Variants in PDK1 observed in about 807,000 individuals in gnomAD.
The protein encoded by PDK1 is [Pyruvate dehydrogenase (acetyl-transferring)] kinase isozyme 1, mitochondrial.
A neutral mutation model predicts 54.2 loss-of-function variants in PDK1; 39 were observed. The observed-to-expected ratio is 0.72, with a 90% CI of 0.56 to 0.94. The LOEUF (loss-of-function observed/expected upper bound fraction) is 0.94. Among genes scored for constraint, PDK1 ranks in the 40% least tolerant of loss-of-function variants. The pLI, the probability that PDK1 is intolerant of heterozygous loss-of-function variation, is 0.00. For missense variants in PDK1, 552 were observed against 566.0 expected (o/e 0.98, Z 0.25); for synonymous variants, 221 against 207.1 (o/e 1.07, Z -0.58).
At chr2:172,572,635 A>G (rs930818209) in intron 8 of PDK1, among the ~76,000 whole-genome samples, 2 of 152,198 alleles carry the variant, frequency 1.3e-5, no homozygotes, top group African/African-American at 4.8e-5. Context: ...CTGAGGCACG[A>G]GAATCGCTTG....
the PDK1 span, among the ~76,000 whole-genome samples, chr2:172,696,797 C>T: frequency 1.3e-5 from 2 of 152,206 alleles, no homozygotes; most frequent in Admixed American, 1.3e-4. Flanking sequence ...TTCTCAATAT[C>T]TTCCACAAGA....
At chr2:172,592,467 C>T (rs1690651460) in intron 9 of PDK1, among the ~76,000 whole-genome samples, 1 of 151,980 alleles carries the variant, frequency 6.6e-6, no homozygotes, top group South Asian at 2.1e-4. Context: ...CTCTCTGACT[C>T]CCTCTTTGTC....
At chr2:172,716,959 C>A in the PDK1 span, among the ~76,000 whole-genome samples, 2 of 152,276 alleles carry the variant, frequency 1.3e-5, no homozygotes, top group Non-Finnish European at 2.9e-5. Context: ...AAAATTAAAA[C>A]CTGAGTGTGG....
Position 172,596,015 on chromosome 2 carries a change from A to G in PDK1, c.*46A>G, listed in dbSNP as rs70937078. On this transcript the variant is annotated 3_prime_UTR_variant, in exon 11 of 11. Coordinates refer to ENST00000282077, the MANE Select transcript of PDK1 (RefSeq NM_002610.5). ...AATCCAAATGTGGCTTTTGTATTAAATTTGGAAGGTATGGTGTTCAGAACT... is the reference window on the plus strand; with the variant it reads ...AATCCAAATGTGGCTTTTGTATTAAGTTTGGAAGGTATGGTGTTCAGAACT... 4.4e-4 allele frequency: 678 copies of G among 1,541,650 alleles called. 12 individuals are homozygous for G. In the East Asian group the frequency reaches 0.012, roughly 28 times the overall value.
chr2:172,608,911 C>T (rs923896720), downstream of PDK1, among the ~76,000 whole-genome samples: 2 of 151,998 alleles, frequency 1.3e-5, no homozygotes, highest in Non-Finnish European at 2.9e-5. Context: ...CCACTCAGGA[C>T]GTTGGTAATT....
intron 8 of PDK1, among the ~76,000 whole-genome samples, chr2:172,577,286 A>G (rs1689632182): frequency 1.3e-5 from 2 of 152,052 alleles, no homozygotes; most frequent in South Asian, 2.1e-4. Flanking sequence ...TTCTGTTTTC[A>G]TAGTGTAACT....
the PDK1 span, among the ~76,000 whole-genome samples, chr2:172,652,373 G>A: frequency 4.6e-5 from 7 of 152,252 alleles, no homozygotes; most frequent in South Asian, 8.3e-4. Flanking sequence ...TACTGAATGG[G>A]CAAAAACTGG....
chr2:172,575,008 T>C (rs1171292373), intron 8 of PDK1, among the ~76,000 whole-genome samples: 1 of 152,198 alleles, frequency 6.6e-6, no homozygotes, highest in African/African-American at 2.4e-5. Flanking sequence ...ATTTTTTTCA[T>C]AGATACCCTT....
At chr2:172,617,782 T>A in the PDK1 span, among the ~76,000 whole-genome samples, 239 of 152,284 alleles carry the variant, frequency 1.6e-3, 1 homozygote, top group African/African-American at 5.2e-3. Flanking sequence ...TGAACTTTTT[T>A]AATTCCATGC....
intron 9 of PDK1, among the ~76,000 whole-genome samples, chr2:172,587,392 G>A (rs1357578744): frequency 6.6e-6 from 1 of 152,068 alleles, no homozygotes; most frequent in Non-Finnish European, 1.5e-5. Flanking sequence ...GTGGGTTCGT[G>A]GTCTTGCTGG....
the PDK1 span, among the ~76,000 whole-genome samples, chr2:172,714,442 T>C: frequency 6.6e-6 from 1 of 152,132 alleles, no homozygotes; most frequent in Non-Finnish European, 1.5e-5. Flanking sequence ...TTGAAAGTTT[T>C]TTTAGAATTA....
At chr2:172,562,326 A>C (rs1313912489) in intron 3 of PDK1, 35 bp downstream of exon 3, 1 of 1,238,584 alleles carries the variant, frequency 8.1e-7, no homozygotes, top group Admixed American at 1.8e-5. Context: ...TCTTAAACCT[A>C]TTATTAGGTC....
chr2:172,687,075 A>G, the PDK1 span, among the ~76,000 whole-genome samples: 3 of 152,174 alleles, frequency 2.0e-5, no homozygotes, highest in Non-Finnish European at 4.4e-5. Context: ...TTGTTTTGAA[A>G]CAATAATACC....
the PDK1 span, among the ~76,000 whole-genome samples, chr2:172,703,402 T>C: frequency 6.6e-6 from 1 of 152,176 alleles, no homozygotes; most frequent in Non-Finnish European, 1.5e-5. Context: ...ACAGAAAACA[T>C]ACCTAGATTG....
At chr2:172,657,717 C>T in the PDK1 span, among the ~76,000 whole-genome samples, 2 of 152,106 alleles carry the variant, frequency 1.3e-5, no homozygotes, top group African/African-American at 4.8e-5. Flanking sequence ...GTGAAAGATG[C>T]TCTCCCTATG....
chr2:172,618,329 T>C, the PDK1 span, among the ~76,000 whole-genome samples: 2 of 152,142 alleles, frequency 1.3e-5, no homozygotes, highest in Non-Finnish European at 2.9e-5. Context: ...TTTTGAAAAA[T>C]GCTAAAGACA....
rs1025653966 is a variant in PDK1, at chr2:172,570,922, TCTA to T, written c.945+101_945+103del. 34 of 675,508 alleles carry T rather than the reference TCTA, an allele frequency of 5.0e-5. No homozygotes were observed. The African/African-American group carries it at 6.5e-4, about 13-fold the overall frequency. 41.8% of individuals were successfully genotyped at this position (675,508 alleles called of 1,614,324 possible). A position where few individuals can be genotyped will look rare whatever the true frequency, so the allele number is the denominator to read the frequency against. ...TACGCATAATTTCTAAAAGACATAA[TCTA>T]CTCTCAGGGGAAAAGAATCTTGTCT... On this transcript the variant is annotated intron_variant, in intron 8 of 10. Coordinates refer to ENST00000282077, the MANE Select transcript of PDK1 (RefSeq NM_002610.5).
chr2:172,619,567 T>C, the PDK1 span, among the ~76,000 whole-genome samples: 1 of 151,908 alleles, frequency 6.6e-6, no homozygotes, highest in Non-Finnish European at 1.5e-5. Context: ...TAACAGTCTT[T>C]CCCTGAGGCA....
chr2:172,717,615 G>A, the PDK1 span, among the ~76,000 whole-genome samples: 26 of 152,246 alleles, frequency 1.7e-4, no homozygotes, highest in African/African-American at 3.9e-4. Flanking sequence ...GTGCAGTGGC[G>A]TAATGTCGGC....
Sources: allele counts gnomAD v4.1 joint callset (sites outside exome capture counted in the v4.1 genomes callset), GRCh38; gene constraint gnomAD v4.1.1; transcripts MANE v1.5; gene names NCBI Gene and HGNC (gene_info 2026-07-23, HGNC 2026-07-21).